KCNH7: variants seen among roughly 807,000 people sequenced by gnomAD.
KCNH7 encodes the protein voltage-gated inwardly rectifying potassium channel KCNH7.
Under a neutral mutation model 120.8 loss-of-function variants are expected in KCNH7, and 49 were observed. The ratio of observed to expected loss-of-function variants is 0.41; its 90% CI spans 0.32 to 0.51. KCNH7 has a LOEUF of 0.51. Ranked by LOEUF, KCNH7 falls within the 20% of genes least tolerant of loss-of-function variation. KCNH7 has a pLI of 0.38. For synonymous variants in KCNH7, 547 were observed against 516.1 expected, an observed-to-expected ratio of 1.06 and a Z score of -0.81; for missense variants, 1,097 against 1,446.6, an observed-to-expected ratio of 0.76 and a Z score of 3.92.
At chr2:162,793,365 G>A (rs746460442) in intron 2 of KCNH7, among the ~76,000 whole-genome samples, 1 of 151,746 alleles carries the variant, frequency 6.6e-6, no homozygotes, top group Non-Finnish European at 1.5e-5. Context: ...TAATACCTGG[G>A]TGATGAAATA....
At chr2:162,585,358 ACTT>A (rs1319819722) in intron 2 of KCNH7, among the ~76,000 whole-genome samples, 1 of 151,948 alleles carries the variant, frequency 6.6e-6, no homozygotes, top group Non-Finnish European at 1.5e-5. Flanking sequence ...TTCCAGTCTC[ACTT>A]CTTCTGCCCC....
At chr2:162,661,325 T>C (rs570021767) in intron 2 of KCNH7, among the ~76,000 whole-genome samples, 1 of 152,232 alleles carries the variant, frequency 6.6e-6, no homozygotes, top group Admixed American at 6.5e-5. Flanking sequence ...TTTGGAAAGG[T>C]AGAGAATTCA....
intron 6 of KCNH7, among the ~76,000 whole-genome samples, chr2:162,456,108 C>G (rs1352055726): frequency 1.3e-5 from 2 of 151,958 alleles, no homozygotes; most frequent in South Asian, 2.1e-4. Context: ...ACTGTTTTAA[C>G]TGTGTCCCAG....
intron 2 of KCNH7, among the ~76,000 whole-genome samples, chr2:162,691,968 AT>A (rs538895250): frequency 9.4e-4 from 143 of 152,154 alleles, no homozygotes; most frequent in African/African-American, 3.3e-3. Flanking sequence ...AAAAGCTTAC[AT>A]TTTTCTCCTG....
intron 9 of KCNH7, among the ~76,000 whole-genome samples, chr2:162,418,690 G>C (rs1012480193): frequency 6.6e-6 from 1 of 152,120 alleles, no homozygotes; most frequent in Non-Finnish European, 1.5e-5. Context: ...TAGGTGCAGA[G>C]ATAAGCTCTG....
intron 2 of KCNH7, among the ~76,000 whole-genome samples, chr2:162,671,778 G>A (rs914665011): frequency 1.3e-5 from 2 of 151,760 alleles, no homozygotes; most frequent in Non-Finnish European, 2.9e-5. Flanking sequence ...AAAAAAGAAG[G>A]ACCAAGCAAA....
intron 2 of KCNH7, among the ~76,000 whole-genome samples, chr2:162,662,803 T>C (rs1008578361): frequency 1.3e-5 from 2 of 152,214 alleles, no homozygotes; most frequent in Admixed American, 6.5e-5. Context: ...TTATTCACCA[T>C]GATTGTGTGC....
chr2:162,613,402 T>G (rs1340118792), intron 2 of KCNH7, among the ~76,000 whole-genome samples: 1 of 151,962 alleles, frequency 6.6e-6, no homozygotes, highest in Non-Finnish European at 1.5e-5. Flanking sequence ...AAAACAACAC[T>G]AAGAATTTGC....
intron 2 of KCNH7, among the ~76,000 whole-genome samples, chr2:162,799,732 C>T (rs568970272): frequency 6.6e-6 from 1 of 152,070 alleles, no homozygotes; most frequent in South Asian, 2.1e-4. Flanking sequence ...TAGCAAAACA[C>T]AGGTGCAACT....
intron 2 of KCNH7, among the ~76,000 whole-genome samples, chr2:162,799,777 A>T (rs745443786): frequency 1.3e-5 from 2 of 151,930 alleles, no homozygotes; most frequent in Non-Finnish European, 2.9e-5. Context: ...GGACATTTTC[A>T]TTTTTGGTAA....
chr2:162,646,616 G>A (rs143603192), intron 2 of KCNH7, among the ~76,000 whole-genome samples: 114 of 152,318 alleles, frequency 7.5e-4, no homozygotes, highest in Non-Finnish European at 1.4e-3. Flanking sequence ...GGCTGCAAGG[G>A]AAAACAGAGA....
intron 9 of KCNH7, among the ~76,000 whole-genome samples, chr2:162,412,027 A>G (rs1412449901): frequency 1.3e-5 from 2 of 151,940 alleles, no homozygotes; most frequent in Non-Finnish European, 2.9e-5. Context: ...CCAAACCAAA[A>G]AGAAGTCCTT....
At chr2:162,670,476 A>C (rs1685309396) in intron 2 of KCNH7, among the ~76,000 whole-genome samples, 1 of 150,282 alleles carries the variant, frequency 6.7e-6, no homozygotes, top group African/African-American at 2.5e-5. Flanking sequence ...CTGTCAAAAA[A>C]AAAAAAAAAA....
intron 5 of KCNH7, among the ~76,000 whole-genome samples, chr2:162,504,971 C>T (rs1205543263): frequency 6.6e-6 from 1 of 151,982 alleles, no homozygotes; most frequent in Non-Finnish European, 1.5e-5. Flanking sequence ...TGGTCAAATT[C>T]TACCTTTAAA....
chr2:162,687,210 C>A (rs1007173387), intron 2 of KCNH7, among the ~76,000 whole-genome samples: 6 of 152,082 alleles, frequency 3.9e-5, no homozygotes, highest in Non-Finnish European at 7.4e-5. Context: ...ACAACCTTGA[C>A]GATTTGCGTT....
intron 2 of KCNH7, among the ~76,000 whole-genome samples, chr2:162,633,370 G>A (rs1485747424): frequency 6.6e-6 from 1 of 151,808 alleles, no homozygotes; most frequent in Admixed American, 6.6e-5. Context: ...AGTACTCTAG[G>A]AATTTCCCTT....
chr2:162,605,601 C>A (rs1159126345), intron 2 of KCNH7, among the ~76,000 whole-genome samples: 1 of 152,040 alleles, frequency 6.6e-6, no homozygotes, highest in Non-Finnish European at 1.5e-5. Flanking sequence ...AAAAGTAAAA[C>A]CTCCATTCTT....
chr2:162,554,636 CTGACTA>C (rs1020821387), intron 2 of KCNH7, among the ~76,000 whole-genome samples: 143 of 152,304 alleles, frequency 9.4e-4, no homozygotes, highest in African/African-American at 3.3e-3. Flanking sequence ...ATCTGTCTCT[CTGACTA>C]TGAGCCCTGC....
chr2:162,598,210 A>G lies in KCNH7; in HGVS notation c.308-61130T>C, dbSNP rs563902741. The stretch of plus-strand genomic sequence containing the variant: ...CTAGGTGGGTTCTGAAGAGACTTTG[A>G]ATAATTGATTTTCAATGCCTATGAA... On this transcript the variant is annotated intron_variant, in intron 2 of 15. Transcript: ENST00000332142. Among the ~76,000 whole-genome samples the G allele has an allele frequency of 2.4e-4, 36 of 152,204 alleles. No homozygotes were observed. In the East Asian group the frequency reaches 6.6e-3, roughly 28 times the overall value.
Sources: gnomAD v4.1 joint callset for allele counts (sites outside exome capture counted in the v4.1 genomes callset) on GRCh38, gnomAD v4.1.1 for gene constraint, MANE v1.5 for transcripts, NCBI Gene and HGNC (gene_info 2026-07-23, HGNC 2026-07-21) for gene names.